ADGRB3: variants seen among roughly 807,000 people sequenced by gnomAD.
ADGRB3 encodes adhesion G protein-coupled receptor B3, also known as brain-specific angiogenesis inhibitor 3.
Under a neutral mutation model 193.4 loss-of-function variants are expected in ADGRB3, and 37 were observed. The ratio of observed to expected loss-of-function variants is 0.19; its 90% CI spans 0.15 to 0.25. ADGRB3 has a LOEUF of 0.25. Among genes scored for constraint, ADGRB3 ranks in the 10% least tolerant of loss-of-function variants. The pLI, the probability that ADGRB3 is intolerant of heterozygous loss-of-function variation, is 1.00. For missense variants in ADGRB3, 1,637 were observed against 1,852.9 expected (o/e 0.88, Z 2.14); for synonymous variants, 690 against 644.2 (o/e 1.07, Z -1.08).
intron 3 of ADGRB3, among the ~76,000 whole-genome samples, chr6:68,828,863 C>T (rs912908434): frequency 6.6e-6 from 1 of 151,992 alleles, no homozygotes; most frequent in Non-Finnish European, 1.5e-5. Context: ...CTGTAGTATT[C>T]TTTTACATAT....
At chr6:68,664,724 G>A (rs188914109) in intron 3 of ADGRB3, among the ~76,000 whole-genome samples, 18 of 151,916 alleles carry the variant, frequency 1.2e-4, no homozygotes, top group East Asian at 1.2e-3. Flanking sequence ...AGAGTTAAGC[G>A]TGCCCAGGGA....
chr6:68,772,232 G>C (rs1444990028), intron 3 of ADGRB3, among the ~76,000 whole-genome samples: 1 of 152,082 alleles, frequency 6.6e-6, no homozygotes, highest in East Asian at 1.9e-4. Flanking sequence ...CACAAGGAAA[G>C]GTAGGTGATA....
chr6:68,711,226 T>C (rs2127316346), intron 3 of ADGRB3, among the ~76,000 whole-genome samples: 1 of 152,236 alleles, frequency 6.6e-6, no homozygotes, highest in Non-Finnish European at 1.5e-5. Context: ...CGTGACCTGC[T>C]TGATTTTTCT....
chr6:69,162,300 C>A (rs1381431320), intron 17 of ADGRB3, among the ~76,000 whole-genome samples: 1 of 151,722 alleles, frequency 6.6e-6, no homozygotes, highest in African/African-American at 2.4e-5. Context: ...TTAAAGTATC[C>A]CTTCAATGTT....
chr6:69,152,453 A>G (rs894332526), intron 17 of ADGRB3, among the ~76,000 whole-genome samples: 7 of 152,242 alleles, frequency 4.6e-5, no homozygotes, highest in African/African-American at 1.7e-4. Flanking sequence ...TCTGAAATGT[A>G]GAAAGCAAAT....
At chr6:68,770,150 A>G (rs994495498) in intron 3 of ADGRB3, among the ~76,000 whole-genome samples, 6 of 152,078 alleles carry the variant, frequency 3.9e-5, no homozygotes, top group Admixed American at 6.6e-5. Context: ...CTCCATTCTC[A>G]GTTTTATCCC....
At chr6:69,227,948 A>G (rs887350250) in intron 17 of ADGRB3, among the ~76,000 whole-genome samples, 3 of 152,208 alleles carry the variant, frequency 2.0e-5, no homozygotes, top group Admixed American at 1.3e-4. Context: ...AAAGTTATCC[A>G]TTAAAAGGTA....
intron 13 of ADGRB3, among the ~76,000 whole-genome samples, chr6:69,045,607 C>T (rs959487104): frequency 2.8e-4 from 42 of 152,216 alleles, no homozygotes; most frequent in African/African-American, 9.4e-4. Context: ...TTTAAAACAA[C>T]ATGCTTTACA....
At chr6:68,762,520 G>A (rs1013511647) in intron 3 of ADGRB3, among the ~76,000 whole-genome samples, 1 of 151,620 alleles carries the variant, frequency 6.6e-6, no homozygotes, top group Non-Finnish European at 1.5e-5. Flanking sequence ...AGTGATAGAG[G>A]TGACCAAATA....
At chr6:69,283,634 T>A (rs2127287647) in intron 20 of ADGRB3, among the ~76,000 whole-genome samples, 1 of 152,052 alleles carries the variant, frequency 6.6e-6, no homozygotes, top group South Asian at 2.1e-4. Context: ...GCACATTGGT[T>A]GGCTTATGGA....
intron 3 of ADGRB3, among the ~76,000 whole-genome samples, chr6:68,805,605 T>C (rs944764799): frequency 3.9e-5 from 6 of 152,186 alleles, no homozygotes; most frequent in Non-Finnish European, 8.8e-5. Flanking sequence ...AGATCCAATA[T>C]CTACAGCTCT....
chr6:69,038,345 C>CAT, intron 13 of ADGRB3, among the ~76,000 whole-genome samples: 1 of 152,090 alleles, frequency 6.6e-6, no homozygotes, highest in South Asian at 2.1e-4. Context: ...CACACACACA[C>CAT]ACACACCACA....
intron 4 of ADGRB3, among the ~76,000 whole-genome samples, chr6:68,931,382 T>A (rs1049400159): frequency 4.6e-5 from 7 of 152,086 alleles, no homozygotes; most frequent in Admixed American, 4.6e-4. Flanking sequence ...TGAACTAATA[T>A]ATGTATTCAT....
chr6:69,138,485 C>CAAAAA (rs1033691428), intron 17 of ADGRB3, among the ~76,000 whole-genome samples: 3 of 152,120 alleles, frequency 2.0e-5, no homozygotes, highest in African/African-American at 7.2e-5. Flanking sequence ...TGTACCAAAA[C>CAAAAA]AAAAGTGAGA....
intron 20 of ADGRB3, among the ~76,000 whole-genome samples, chr6:69,320,825 A>ATGTGTGTGTGTGTGTGTGTGTGTGTG (rs5877204): frequency 1.4e-5 from 2 of 146,260 alleles, no homozygotes; most frequent in Admixed American, 6.9e-5. Context: ...GCATGTGTGT[A>ATGTGTGTGTGTGTGTGTGTGTGTGTG]TGTGTGTGTG....
intron 3 of ADGRB3, among the ~76,000 whole-genome samples, chr6:68,927,784 TTC>T (rs1399761707): frequency 6.6e-6 from 1 of 152,138 alleles, no homozygotes; most frequent in African/African-American, 2.4e-5. Flanking sequence ...TTTTAATATC[TTC>T]TCTCTTATGA....
chr6:68,638,617 C>T (rs1768007600), intron 2 of ADGRB3, 44 bp from the exon 3 acceptor site: 5 of 1,505,846 alleles, frequency 3.3e-6, no homozygotes, highest in Non-Finnish European at 3.6e-6. Context: ...TCTCAATGCA[C>T]GTAGACTCCT....
At chr6:68,676,457 G>C (rs73461968) in intron 3 of ADGRB3, among the ~76,000 whole-genome samples, 4,858 of 151,656 alleles carry the variant, frequency 0.032, 134 homozygotes, top group African/African-American at 0.072. Flanking sequence ...AATTTGGTTG[G>C]TTGTTTCTTA....
At chr6:69,069,533 C>T (rs1772009829) in intron 16 of ADGRB3, among the ~76,000 whole-genome samples, 1 of 108,316 alleles carries the variant, frequency 9.2e-6, no homozygotes, top group African/African-American at 3.2e-5. Flanking sequence ...GAGGGTGAAA[C>T]CCCGTCTCTA....
Sources: gnomAD v4.1 joint callset for allele counts (sites outside exome capture counted in the v4.1 genomes callset) on GRCh38, gnomAD v4.1.1 for gene constraint, MANE v1.5 for transcripts, NCBI Gene and HGNC (gene_info 2026-07-23, HGNC 2026-07-21) for gene names.